Variants in SLC37A2 observed in about 807,000 individuals in gnomAD.
SLC37A2 encodes solute carrier family 37 member 2.
A neutral mutation model predicts 70.7 loss-of-function variants in SLC37A2; 59 were observed. That is an observed-to-expected ratio of 0.83 (90% CI 0.68 to 1.04). The LOEUF (loss-of-function observed/expected upper bound fraction) is 1.04, where lower values mean the gene tolerates loss of function less well. SLC37A2 is among the 50% of genes least tolerant of loss of function. The pLI is 0.00. For synonymous variants in SLC37A2, 257 were observed against 262.1 expected (o/e 0.98, Z 0.19); for missense variants, 580 against 658.1 (o/e 0.88, Z 1.30).
chr11:125,083,763 A>G lies in SLC37A2; in HGVS notation c.977-52A>G. On this transcript the variant is annotated intron_variant, in intron 10 of 17. Coordinates refer to ENST00000403796, the MANE Select transcript of SLC37A2 (RefSeq NM_001145290.2). This position sits in a 1 kb window ranked among gnomAD's most constrained non-coding sequence, Gnocchi z 4.6. ...GCAGGGCTTCTAGCTGTGACACTCC[A>G]GGATGTTTGCCCCAAACCCCAGGTC... 1 of 1,514,696 alleles carries G rather than the reference A, an allele frequency of 6.6e-7. No homozygotes were observed. Among genetic ancestry groups the G allele is most frequent in the Non-Finnish European group, 9.2e-7 (1 of 1,089,254 alleles). The allele number at this position is 1,514,696 out of a possible 1,614,324, so 93.8% of individuals were successfully genotyped here.
intron 1 of SLC37A2, among the ~76,000 whole-genome samples, chr11:125,072,925 A>C (rs1054222745): frequency 6.6e-6 from 1 of 152,192 alleles, no homozygotes; most frequent in African/African-American, 2.4e-5. Flanking sequence ...CCAGGAAGGA[A>C]GTCCCAGAAA....
intron 1 of SLC37A2, among the ~76,000 whole-genome samples, chr11:125,069,886 C>T (rs1949014352): frequency 6.6e-6 from 1 of 152,232 alleles, no homozygotes. Context: ...TTGTCCATGG[C>T]GTTTCAGAGC....
chr11:125,076,716 G>T (rs1949090732), intron 1 of SLC37A2, 41 bp from the exon 2 acceptor site: 1 of 1,599,606 alleles, frequency 6.3e-7, no homozygotes, highest in Admixed American at 1.7e-5. Flanking sequence ...TTCCAGCTGG[G>T]GCTGACTTCC....
intron 17 of SLC37A2, chr11:125,086,320 TCC>T (rs1949215066): frequency 8.0e-7 from 1 of 1,256,896 alleles, no homozygotes; most frequent in Non-Finnish European, 1.2e-6. Context: ...TGCATGCAAA[TCC>T]TCTGTCCTGC....
chr11:125,075,671 C>G (rs1456593642), intron 1 of SLC37A2, among the ~76,000 whole-genome samples: 1 of 152,234 alleles, frequency 6.6e-6, no homozygotes, highest in East Asian at 1.9e-4. Flanking sequence ...CCCAATTCAG[C>G]CTTCGCTGAA....
At chr11:125,074,279 CTGTG>C (rs1026328743) in intron 1 of SLC37A2, among the ~76,000 whole-genome samples, 1 of 151,962 alleles carries the variant, frequency 6.6e-6, no homozygotes, top group Non-Finnish European at 1.5e-5. Context: ...AGTCTCTCCT[CTGTG>C]TCATCTCTGT....
At chr11:125,073,032 G>T (rs1045724352) in intron 1 of SLC37A2, among the ~76,000 whole-genome samples, 1 of 152,202 alleles carries the variant, frequency 6.6e-6, no homozygotes, top group Non-Finnish European at 1.5e-5. Flanking sequence ...GGGTGTCAGG[G>T]TTTCTACTGG....
chr11:125,081,700 G>A (rs1269189564), intron 8 of SLC37A2, 54 bp from the exon 9 acceptor site: 2 of 1,517,624 alleles, frequency 1.3e-6, no homozygotes, highest in African/African-American at 2.8e-5. Context: ...ACCTTCAGCT[G>A]GTGGGAGGCA....
Position 125,076,856 on chromosome 11 carries a change from C to T in SLC37A2, c.141+18C>T, listed in dbSNP as rs1221039437. 6.2e-7 allele frequency: 1 copy of T among 1,613,064 alleles called. No individual in the cohort carries two copies. The highest frequency in any genetic ancestry group is 1.7e-5 in the Admixed American group (1 of 60,014). On this transcript the variant is annotated intron_variant, in intron 2 of 17. Transcript: ENST00000403796. ...TCGTCAAGGTGAGGCTGGCTGGCAG[C>T]AAGGAAGAGTGCAGAAGCACACTGT... is the stretch of plus-strand genomic sequence containing the variant.
intron 2 of SLC37A2, 92 bp downstream of exon 2, chr11:125,076,930 C>G: frequency 1.7e-6 from 2 of 1,202,618 alleles, no homozygotes; most frequent in Non-Finnish European, 2.4e-6. Flanking sequence ...GCACCTTCAC[C>G]TGGCAGGCTC....
At chr11:125,082,489 G>C (rs7950127) in intron 10 of SLC37A2, among the ~76,000 whole-genome samples, 155 bp downstream of exon 10, 121,045 of 152,050 alleles carry the variant, frequency 0.8, 49,088 homozygotes, top group East Asian at 0.95. Flanking sequence ...TGATTTAGTT[G>C]TTTACTTAAA....
chr11:125,074,138 C>A (rs987566686), intron 1 of SLC37A2, among the ~76,000 whole-genome samples: 9 of 152,066 alleles, frequency 5.9e-5, no homozygotes, highest in Non-Finnish European at 1.0e-4. Context: ...TCCGTGCCTT[C>A]GTGCACGCTG....
Position 125,088,437 on chromosome 11 carries a change from G to A in SLC37A2, c.*303G>A, listed in dbSNP as rs1038967750. ...AAGGAAAGGATATGCTCAGACTCTT[G>A]CTTGTTCAGATTCCAAGACAGAAGG... On this transcript the variant is annotated 3_prime_UTR_variant, in exon 18 of 18. Transcript: ENST00000403796. 8.6e-6 allele frequency: 3 copies of A among 347,350 alleles called. No individual in the cohort carries two copies. Among genetic ancestry groups the A allele is most frequent in the Non-Finnish European group, 1.6e-5 (3 of 191,144 alleles). 21.5% of individuals were successfully genotyped at this position (347,350 alleles called of 1,614,324 possible). A position where few individuals can be genotyped will look rare whatever the true frequency, so the allele number is the denominator to read the frequency against.
At chr11:125,078,258 TAGC>T (rs1949111754) in intron 4 of SLC37A2, among the ~76,000 whole-genome samples, 1 of 152,132 alleles carries the variant, frequency 6.6e-6, no homozygotes, top group South Asian at 2.1e-4. Context: ...GTAAGGAAGG[TAGC>T]AGCAGGGCTG....
At chr11:125,087,384 CAG>C (rs1200162117) in intron 17 of SLC37A2, 1 of 152,448 alleles carries the variant, frequency 6.6e-6, no homozygotes, top group Non-Finnish European at 1.5e-5. Context: ...TCAGAGCAGA[CAG>C]AGCACTGTGC....
chr11:125,072,281 G>T (rs112642581), intron 1 of SLC37A2, among the ~76,000 whole-genome samples: 1 of 152,172 alleles, frequency 6.6e-6, no homozygotes, highest in Non-Finnish European at 1.5e-5. Context: ...AGGCTCCTTC[G>T]AAAGAGTAGG....
At chr11:125,079,567 G>A in intron 5 of SLC37A2, 117 bp from the exon 6 acceptor site, 1 of 743,826 alleles carries the variant, frequency 1.3e-6, no homozygotes, top group Non-Finnish European at 2.3e-6. Flanking sequence ...TTTGTAGTGT[G>A]GGGTATGGAG....
intron 6 of SLC37A2, 38 bp downstream of exon 6, chr11:125,079,798 G>A: frequency 1.3e-6 from 2 of 1,506,004 alleles, no homozygotes; most frequent in Non-Finnish European, 1.8e-6. Flanking sequence ...GAAGGATTGG[G>A]AGGGCTGGGG....
Position 125,083,619 on chromosome 11 carries a change from C to T in SLC37A2, c.977-196C>T, listed in dbSNP as rs534663586. ...TGCAGGGGAAGAGGGCAACACAGGA[C>T]GGGACCAAGAGGGCGTCTATCCAAA... On this transcript the variant is annotated intron_variant, in intron 10 of 17. Coordinates refer to ENST00000403796, the MANE Select transcript of SLC37A2 (RefSeq NM_001145290.2). This position sits in a 1 kb window ranked among gnomAD's most constrained non-coding sequence, Gnocchi z 4.6. 4.3e-4 allele frequency among the ~76,000 whole-genome samples: 66 copies of T among 152,270 alleles called. No individual in the cohort carries two copies. The highest frequency in any genetic ancestry group is 7.8e-4 in the Non-Finnish European group (53 of 68,022).
Sources: allele counts gnomAD v4.1 joint callset (sites outside exome capture counted in the v4.1 genomes callset), GRCh38; gene constraint gnomAD v4.1.1; non-coding constraint Gnocchi (gnomAD v3.1); transcripts MANE v1.5; gene names NCBI Gene and HGNC (gene_info 2026-07-23, HGNC 2026-07-21).